The following NLGN4Y variants were observed in gnomAD, a reference collection of about 807,000 sequenced individuals.
NLGN4Y encodes neuroligin-4, Y-linked.
NLGN4Y carries 4 observed loss-of-function variants against 8.4 expected under a neutral mutation model. That is an observed-to-expected ratio of 0.48 (90% CI 0.23 to 1.09). NLGN4Y has a LOEUF of 1.09. Ranked by LOEUF, NLGN4Y falls within the 50% of genes least tolerant of loss-of-function variation. The probability of loss-of-function intolerance (pLI) is 0.19; values close to 1 mark genes in which losing one functional copy is unlikely to be tolerated. For synonymous variants in NLGN4Y, 35 were observed against 75.6 expected (o/e 0.46, Z 2.78); for missense variants, 90 against 192.3 (o/e 0.47, Z 3.15).
intron 2 of NLGN4Y, among the ~76,000 whole-genome samples, chrY:14,670,573 A>C: frequency 9.1e-5 from 3 of 33,117 alleles, no homozygotes; most frequent in African/African-American, 3.5e-4. Context: ...TTAAAAAGAG[A>C]CCCACTTTAC....
chrY:14,809,007 T>A, intron 4 of NLGN4Y, among the ~76,000 whole-genome samples: 1 of 33,777 alleles, frequency 3.0e-5, no homozygotes, highest in Non-Finnish European at 7.3e-5. Flanking sequence ...CAGTAATGAA[T>A]TTGTGTGTCC....
chrY:14,600,854 A>G, intron 1 of NLGN4Y, among the ~76,000 whole-genome samples: 1 of 33,205 alleles, frequency 3.0e-5, no homozygotes, highest in Non-Finnish European at 7.4e-5. Context: ...TTTATCGTTT[A>G]TTTGTTTTAC....
intron 2 of NLGN4Y, among the ~76,000 whole-genome samples, chrY:14,672,283 G>A (rs2080713529): frequency 3.1e-5 from 1 of 32,023 alleles, no homozygotes; most frequent in African/African-American, 1.2e-4. Flanking sequence ...CCAGCACTTT[G>A]GGAGGCCGAG....
At chrY:14,662,336 A>T in intron 2 of NLGN4Y, among the ~76,000 whole-genome samples, 1 of 33,561 alleles carries the variant, frequency 3.0e-5, no homozygotes, top group Non-Finnish European at 7.4e-5. Flanking sequence ...TCTATGTATC[A>T]TCTATCTGTT....
At chrY:14,783,359 T>C in intron 4 of NLGN4Y, among the ~76,000 whole-genome samples, 1 of 33,289 alleles carries the variant, frequency 3.0e-5, no homozygotes, top group South Asian at 6.7e-4. Flanking sequence ...AAAAATAAAA[T>C]TATAAAACAT....
At chrY:14,748,022 A>G in intron 4 of NLGN4Y, among the ~76,000 whole-genome samples, 1 of 33,438 alleles carries the variant, frequency 3.0e-5, no homozygotes, top group Admixed American at 2.7e-4. Flanking sequence ...TGATAAAAAT[A>G]TAGATGTAAA....
intron 4 of NLGN4Y, among the ~76,000 whole-genome samples, chrY:14,727,602 T>C: frequency 3.0e-5 from 1 of 33,564 alleles, no homozygotes; most frequent in Non-Finnish European, 7.4e-5. Flanking sequence ...TGATTCATCA[T>C]TGCATGGGTA....
intron 4 of NLGN4Y, among the ~76,000 whole-genome samples, chrY:14,760,865 C>T (rs2081077764): frequency 8.9e-5 from 3 of 33,538 alleles, no homozygotes; most frequent in Admixed American, 2.8e-4. Context: ...TTATTTTGTA[C>T]AAATTAATCT....
intron 4 of NLGN4Y, among the ~76,000 whole-genome samples, chrY:14,733,927 C>T (rs2150560410): frequency 3.0e-5 from 1 of 33,196 alleles, no homozygotes; most frequent in African/African-American, 1.2e-4. Context: ...CTACAGTGTC[C>T]CTTTATCTTT....
intron 1 of NLGN4Y, among the ~76,000 whole-genome samples, chrY:14,565,727 C>A (rs2150477689): frequency 2.7e-4 from 9 of 32,905 alleles, no homozygotes; most frequent in Admixed American, 2.0e-3. Flanking sequence ...ATCAGATTCA[C>A]CAAGGTTGAA....
intron 2 of NLGN4Y, among the ~76,000 whole-genome samples, chrY:14,707,242 G>C: frequency 3.9e-5 from 1 of 25,397 alleles, no homozygotes; most frequent in Non-Finnish European, 9.0e-5. Flanking sequence ...CCAGGCTATA[G>C]TATAGTGTCA....
chrY:14,639,266 T>C, intron 2 of NLGN4Y: 1 of 195,414 alleles, frequency 5.1e-6, no homozygotes, highest in Non-Finnish European at 9.3e-6. Context: ...TTTCTCCAAA[T>C]GCACAAGTGA....
chrY:14,691,753 T>A, intron 2 of NLGN4Y, among the ~76,000 whole-genome samples: 1 of 33,237 alleles, frequency 3.0e-5, no homozygotes, highest in Non-Finnish European at 7.5e-5. Context: ...AATACGCCCT[T>A]CTTAAAATGT....
chrY:14,596,684 A>C (rs980537938), intron 1 of NLGN4Y, among the ~76,000 whole-genome samples: 6 of 33,458 alleles, frequency 1.8e-4, no homozygotes, highest in African/African-American at 7.0e-4. Flanking sequence ...GCCCTTTCCC[A>C]GAAAGCCTGA....
At chrY:14,714,411 G>A (rs2080908584) in intron 2 of NLGN4Y, among the ~76,000 whole-genome samples, 5 of 33,077 alleles carry the variant, frequency 1.5e-4, no homozygotes, top group African/African-American at 5.9e-4. Flanking sequence ...TGCTAAATAA[G>A]ATTAATTTAA....
At chrY:14,798,726 A>C in intron 4 of NLGN4Y, 1 of 33,665 alleles carries the variant, frequency 3.0e-5, no homozygotes, top group African/African-American at 1.2e-4. Flanking sequence ...AGAGAGATAG[A>C]GTTTGGTAAC....
At chrY:14,742,503 CACAT>C (rs2081009437) in intron 4 of NLGN4Y, among the ~76,000 whole-genome samples, 1 of 32,735 alleles carries the variant, frequency 3.1e-5, no homozygotes, top group Non-Finnish European at 7.5e-5. Context: ...TACACACACA[CACAT>C]ACATATATAC....
At chrY:14,639,559 G>A in intron 2 of NLGN4Y, 4 of 249,504 alleles carry the variant, frequency 1.6e-5, no homozygotes, top group Non-Finnish European at 2.6e-5. Context: ...ATCCCACTGG[G>A]ACGGACCAGT....
At chrY:14,713,839 G>A in intron 2 of NLGN4Y, among the ~76,000 whole-genome samples, 1 of 34,036 alleles carries the variant, frequency 2.9e-5, no homozygotes, top group Non-Finnish European at 7.3e-5. Flanking sequence ...AGCACTAAAT[G>A]TGAACATCAG....
Sources: gnomAD v4.1 joint callset for allele counts (sites outside exome capture counted in the v4.1 genomes callset) on GRCh38, gnomAD v4.1.1 for gene constraint, MANE v1.5 for transcripts, NCBI Gene and HGNC (gene_info 2026-07-23, HGNC 2026-07-21) for gene names.